The following KANK1 variants were observed in gnomAD, a reference collection of about 807,000 sequenced individuals.
The protein encoded by KANK1 is KN motif and ankyrin repeat domain-containing protein 1.
In KANK1, 109 loss-of-function variants were observed where a neutral mutation model predicts 106.2. The observed-to-expected ratio is 1.03, with a 90% CI of 0.88 to 1.20. KANK1 has a LOEUF of 1.20. Ranked by LOEUF, KANK1 falls within the 50% of genes most tolerant of loss-of-function variation. The pLI is 0.00. For synonymous variants in KANK1, 873 were observed against 652.2 expected (o/e 1.34, Z -5.16); for missense variants, 2,399 against 1,710.7 (o/e 1.40, Z -7.10).
At chr9:598,624 T>TTTTTTTTTTTTTC (rs1826879686) in intron 1 of KANK1, among the ~76,000 whole-genome samples, 1 of 82,438 alleles carries the variant, frequency 1.2e-5, no homozygotes, top group Non-Finnish European at 2.1e-5. Flanking sequence ...GGTTTTCTTT[T>TTTTTTTTTTTTTC]TTTTTTTTTT....
chr9:738,309 C>A lies in KANK1; in HGVS notation c.3358C>A (p.His1120Asn). The A allele has an allele frequency of 6.2e-7, 1 of 1,613,610 alleles. No individual in the cohort carries two copies. The highest frequency in any genetic ancestry group is 8.5e-7 in the Non-Finnish European group (1 of 1,179,814). Residue 1120 changes from histidine to asparagine, a missense_variant, in exon 8 of 12, where the codon CAC (histidine) becomes AAC (asparagine). Coordinates refer to ENST00000382297, the MANE Select transcript of KANK1 (RefSeq NM_015158.5). ...DMRFCLNTLQ[H>N]EWFRVSSQKS... ...GAGGTTCTGTCTGAACACCCTCCAG[C>A]ACGAGTGGTTCCGCGTGTCCAGTCA...
chr9:594,436 T>C (rs1397607271), intron 1 of KANK1, among the ~76,000 whole-genome samples: 1 of 151,832 alleles, frequency 6.6e-6, no homozygotes, highest in Non-Finnish European at 1.5e-5. Flanking sequence ...ACCAGAAGGA[T>C]GGATGATTAA....
chr9:685,531 G>A (rs1445443397), intron 2 of KANK1: 1 of 152,158 alleles, frequency 6.6e-6, no homozygotes, highest in Non-Finnish European at 1.5e-5. Flanking sequence ...CTCTTACCTT[G>A]TTTATGGCCA....
At chr9:600,990 C>G (rs1274896074) in intron 1 of KANK1, among the ~76,000 whole-genome samples, 2 of 151,636 alleles carry the variant, frequency 1.3e-5, no homozygotes, top group Admixed American at 1.3e-4. Flanking sequence ...TGTGCTCTGT[C>G]ATAATTAACT....
intron 1 of KANK1, among the ~76,000 whole-genome samples, chr9:611,457 T>C (rs1313664819): frequency 1.3e-5 from 2 of 152,208 alleles, no homozygotes; most frequent in East Asian, 3.8e-4. Flanking sequence ...CCATGTCCTC[T>C]GTCTCTCATG....
chr9:480,011 G>A (rs1053426078), intron 3 of KANK1, among the ~76,000 whole-genome samples: 2 of 152,166 alleles, frequency 1.3e-5, no homozygotes, highest in African/African-American at 4.8e-5. Flanking sequence ...GTTATAACAG[G>A]TTTACAATCC....
intron 1 of KANK1, chr9:539,735 C>G (rs2060488659): frequency 6.6e-6 from 1 of 152,210 alleles, no homozygotes; most frequent in Non-Finnish European, 1.5e-5. Flanking sequence ...AGTCCTTCTG[C>G]CTTGGCTTCC....
chr9:514,694 G>A (rs2059203388), intron 1 of KANK1, among the ~76,000 whole-genome samples: 1 of 151,592 alleles, frequency 6.6e-6, no homozygotes, highest in African/African-American at 2.4e-5. Flanking sequence ...TCATCCTGTT[G>A]TCCATGAACG....
intron 1 of KANK1, among the ~76,000 whole-genome samples, chr9:582,037 C>T (rs1822288724): frequency 6.6e-6 from 1 of 152,150 alleles, no homozygotes; most frequent in Admixed American, 6.5e-5. Flanking sequence ...GAGGAAATTT[C>T]AGAGAGAAAA....
At chr9:744,027 G>A (rs539025730) in intron 10 of KANK1, among the ~76,000 whole-genome samples, 1 of 152,288 alleles carries the variant, frequency 6.6e-6, no homozygotes, top group South Asian at 2.1e-4. Flanking sequence ...GCAACCCACT[G>A]GGATTGCGTG....
At chr9:577,140 A>C (rs1206243929) in intron 1 of KANK1, among the ~76,000 whole-genome samples, 1 of 152,194 alleles carries the variant, frequency 6.6e-6, no homozygotes, top group East Asian at 1.9e-4. Context: ...TGAAGAGCGA[A>C]AGAACAAAGC....
chr9:705,907 A>AT (rs201370622), intron 2 of KANK1, among the ~76,000 whole-genome samples: 17 of 152,046 alleles, frequency 1.1e-4, no homozygotes, highest in African/African-American at 3.9e-4. Flanking sequence ...TCCAAAAAAA[A>AT]TTTTTTTTAA....
At chr9:620,684 C>G (rs921158209) in intron 1 of KANK1, among the ~76,000 whole-genome samples, 2 of 151,932 alleles carry the variant, frequency 1.3e-5, no homozygotes, top group African/African-American at 4.8e-5. Context: ...GGATTACAGG[C>G]GTGAGCCAAC....
At chr9:616,582 TTCCA>T (rs1831879857) in intron 1 of KANK1, among the ~76,000 whole-genome samples, 1 of 152,206 alleles carries the variant, frequency 6.6e-6, no homozygotes, top group South Asian at 2.1e-4. Flanking sequence ...TCCTCTATCC[TTCCA>T]TCCAGGCTTG....
intron 3 of KANK1, among the ~76,000 whole-genome samples, chr9:488,514 G>A (rs968860296): frequency 3.3e-5 from 5 of 152,286 alleles, no homozygotes; most frequent in South Asian, 2.1e-4. Flanking sequence ...TGTTTCTGCC[G>A]TTTATGAGTT....
chr9:588,143 C>T (rs1823968100), intron 1 of KANK1, among the ~76,000 whole-genome samples: 1 of 151,786 alleles, frequency 6.6e-6, no homozygotes, highest in Non-Finnish European at 1.5e-5. Context: ...TGGTTCAGAA[C>T]TTAAACCAGT....
chr9:712,990 C>A lies in KANK1; in HGVS notation c.2224C>A (p.Leu742Ile). 2 of 1,614,196 alleles carry A rather than the reference C, an allele frequency of 1.2e-6. No individual in the cohort carries two copies. Among genetic ancestry groups the A allele is most frequent in the Non-Finnish European group, 1.7e-6 (2 of 1,180,038 alleles). Reference protein sequence around the residue: ...KTRSIGVGTLLSGHSGFDRPS... With the variant: ...KTRSIGVGTLISGHSGFDRPS... The stretch of plus-strand genomic sequence containing the variant: ...GCGGTCCATTGGTGTTGGAACGTTG[C>A]TTTCTGGCCATTCTGGGTTTGACAG... The change falls in exon 3 of 12, where the codon CTT (leucine) becomes ATT (isoleucine). Residue 742 changes from leucine (L) to isoleucine (I), a missense_variant. Leu to Ile is a conservative substitution (Grantham distance 5). Transcript: ENST00000382297.
intron 1 of KANK1, among the ~76,000 whole-genome samples, chr9:555,065 A>G (rs2061499063): frequency 1.3e-5 from 2 of 152,210 alleles, no homozygotes; most frequent in African/African-American, 4.8e-5. Context: ...CCTGCATACC[A>G]GGTAATGTTT....
chr9:633,824 T>C (rs749235391), intron 1 of KANK1, among the ~76,000 whole-genome samples: 1 of 152,086 alleles, frequency 6.6e-6, no homozygotes, highest in Non-Finnish European at 1.5e-5. Flanking sequence ...GGCTAAGTTT[T>C]TATTTTTAGT....
Sources: gnomAD v4.1 joint callset for allele counts (sites outside exome capture counted in the v4.1 genomes callset) on GRCh38, gnomAD v4.1.1 for gene constraint, MANE v1.5 for transcripts, NCBI Gene and HGNC (gene_info 2026-07-23, HGNC 2026-07-21) for gene names.